HDHD5: variants seen among roughly 807,000 people sequenced by gnomAD.
HDHD5 encodes haloacid dehalogenase like hydrolase domain containing 5, also known as haloacid dehalogenase-like hydrolase domain-containing 5.
In HDHD5, 34 loss-of-function variants were observed where a neutral mutation model predicts 35.5. The ratio of observed to expected loss-of-function variants is 0.96; its 90% CI spans 0.73 to 1.28. The LOEUF (loss-of-function observed/expected upper bound fraction) is 1.28. Among genes scored for constraint, HDHD5 ranks in the 50% most tolerant of loss-of-function variants. The pLI is 0.00. For synonymous variants in HDHD5, 248 were observed against 240.6 expected (o/e 1.03, Z -0.29); for missense variants, 589 against 560.2 (o/e 1.05, Z -0.52).
rs186380591 is a variant in HDHD5 at position 17,141,199 on chromosome 22, C to A, written c.606G>T (p.Glu202Asp). ...VLLLGEPVRW[E>D]TSLQLIMDVL... Reference sequence around the variant, plus strand: ...CATCCATGATCAGCTGCAGGCTGGTCTCCCAGCGGACCGGCTCCCCTAGGA... The same window carrying A: ...CATCCATGATCAGCTGCAGGCTGGTATCCCAGCGGACCGGCTCCCCTAGGA... The change falls in exon 6 of 8, where the codon GAG becomes GAT. Residue 202 changes from glutamate (E) to aspartate (D), a missense_variant. By Grantham distance (45) the Glu-to-Asp change is conservative. Transcript: ENST00000336737. The A allele has an allele frequency of 3.1e-6, 5 of 1,597,888 alleles. No individual in the cohort carries two copies. The East Asian group carries it at 9.4e-5, about 30-fold the overall frequency.
intron 1 of HDHD5, among the ~76,000 whole-genome samples, chr22:17,153,286 T>G (rs932013504): frequency 5.3e-5 from 8 of 152,216 alleles, no homozygotes; most frequent in Non-Finnish European, 1.0e-4. Flanking sequence ...ATTACCTGAC[T>G]GGACAAATAA....
At chr22:17,152,251 A>C (rs1382427891) in intron 1 of HDHD5, among the ~76,000 whole-genome samples, 1 of 150,906 alleles carries the variant, frequency 6.6e-6, no homozygotes, top group East Asian at 2.0e-4. Flanking sequence ...TTGGCTGCAG[A>C]GAAAAGACTG....
chr22:17,144,152 G>C (rs1017332474), intron 4 of HDHD5, among the ~76,000 whole-genome samples: 10 of 152,362 alleles, frequency 6.6e-5, no homozygotes, highest in Admixed American at 3.3e-4. Context: ...AGTAAGTCTG[G>C]AACTCCTTGT....
upstream of HDHD5, among the ~76,000 whole-genome samples, chr22:17,163,640 A>T (rs1317169108): frequency 6.6e-6 from 1 of 152,034 alleles, no homozygotes; most frequent in Non-Finnish European, 1.5e-5. Context: ...TGCTCATCTC[A>T]AGTGAGCCAC....
intron 5 of HDHD5, 155 bp downstream of exon 5, chr22:17,142,940 AGGT>A: frequency 1.5e-6 from 1 of 667,622 alleles, no homozygotes; most frequent in Non-Finnish European, 2.6e-6. Context: ...ACAGTCTCAG[AGGT>A]GGTAAGTGGC....
rs2061803847 is a variant in HDHD5 at position 17,157,085 on chromosome 22, T to TACACACATACACACACACACACACAC, written c.126+2040_126+2041insGTGTGTGTGTGTGTGTGTATGTGTGT. Among the ~76,000 whole-genome samples, 24 of 143,794 alleles carry TACACACATACACACACACACACACAC rather than the reference T, an allele frequency of 1.7e-4. No homozygotes were observed. The East Asian group carries it at 5.0e-3, about 30-fold the overall frequency. The allele number at this position is 143,794 out of a possible 152,430, so 94.3% of individuals were successfully genotyped here. A position where few individuals can be genotyped will look rare whatever the true frequency, so the allele number is the denominator to read the frequency against. On this transcript the variant is annotated intron_variant, in intron 1 of 7. Coordinates refer to ENST00000336737, the MANE Select transcript of HDHD5 (RefSeq NM_033070.3). ...AGAGCTAGACACCGTCTCACACACATACACACACACACACACACACACACA... is the reference window on the plus strand; with the variant it reads ...AGAGCTAGACACCGTCTCACACACATACACACATACACACACACACACACACACACACACACACACACACACACACA...
At chr22:17,140,587 C>CA (rs1268384814) in intron 6 of HDHD5, among the ~76,000 whole-genome samples, 8 of 150,332 alleles carry the variant, frequency 5.3e-5, no homozygotes, top group South Asian at 2.2e-4. Flanking sequence ...ACTGTCCCCG[C>CA]AAAAAAAACA....
Position 17,138,225 on chromosome 22 carries a change from G to A in HDHD5, c.1068C>T (p.Cys356=). ...RQQQPSASQS[C]ISILVCTGVY... ...CGCCTGTACACACCAGGATGGAGAT[G>A]CAGCTCTGGCTTGCTGAGGGCTGTT... The change falls in exon 8 of 8, where the codon TGC becomes TGT. Residue 356 remains cysteine, a synonymous_variant. Transcript: ENST00000336737. The A allele has an allele frequency of 1.2e-6, 2 of 1,614,202 alleles. No homozygotes were observed. Among genetic ancestry groups the A allele is most frequent in the Non-Finnish European group, 1.7e-6 (2 of 1,180,042 alleles).
At chr22:17,164,819 G>A (rs2061882029) in intron 1 of HDHD5, among the ~76,000 whole-genome samples, 3 of 152,152 alleles carry the variant, frequency 2.0e-5, no homozygotes, top group African/African-American at 7.2e-5. Flanking sequence ...GAGGGAAACT[G>A]GCATATCCTA....
In HDHD5 at chr22:17,149,686, T is replaced by G; in HGVS notation, c.186A>C (p.Arg62Ser). 1 of 1,614,034 alleles carries G rather than the reference T, an allele frequency of 6.2e-7. No individual in the cohort carries two copies. Among genetic ancestry groups the G allele is most frequent in the Middle Eastern group, 1.7e-4 (1 of 5,952 alleles). Residue 62 changes from arginine (R) to serine (S), a missense_variant, in exon 2 of 8, where the codon AGA becomes AGC. Transcript: ENST00000336737. ...DIDGVLVRGH[R>S]VIPAALKAFR... ...AGGCTTTCAGAGCAGCAGGGATCAC[T>G]CTGTGGCCCCGCACAAGCACTCCAT...
At chr22:17,159,888 T>G, upstream of HDHD5, 1 of 215,664 alleles carries the variant, frequency 4.6e-6, no homozygotes, top group Non-Finnish European at 9.5e-6. Flanking sequence ...CAGCAAACAC[T>G]TAGGGAACAC....
At chr22:17,145,436 G>A (rs895442435) in intron 3 of HDHD5, among the ~76,000 whole-genome samples, 5 of 152,202 alleles carry the variant, frequency 3.3e-5, no homozygotes, top group Admixed American at 3.3e-4. Flanking sequence ...GGGTGCAGTG[G>A]CTCATGCCTG....
intron 6 of HDHD5, 121 bp from the exon 7 acceptor site, chr22:17,138,859 G>GACAT: frequency 9.5e-7 from 1 of 1,055,842 alleles, no homozygotes; most frequent in Non-Finnish European, 1.4e-6. Flanking sequence ...GGTAAGAGCT[G>GACAT]ACATGTAGCA....
intron 4 of HDHD5, among the ~76,000 whole-genome samples, chr22:17,144,555 A>AG (rs929286837): frequency 6.6e-6 from 1 of 151,734 alleles, no homozygotes; most frequent in African/African-American, 2.4e-5. Flanking sequence ...CTGGGATTAT[A>AG]GGCATCCATC....
At chr22:17,141,545 C>T in intron 5 of HDHD5, 3 of 1,178,030 alleles carry the variant, frequency 2.5e-6, no homozygotes, top group Non-Finnish European at 3.2e-6. Context: ...TGGGACTCTG[C>T]CACCACATTC....
At position 17,148,447 on chromosome 22, in the gene HDHD5, C is replaced by T; in HGVS notation, c.443+1G>A. ...AGCCAGAGTTAAGACCAAAAGGATA[C>T]CCCTGGGCATTTTCCATCACGGGCC... On this transcript the variant is annotated splice_donor_variant, in intron 3 of 7. Transcript: ENST00000336737. LOFTEE classifies it high-confidence loss of function. 1 of 1,612,612 alleles carries T rather than the reference C, an allele frequency of 6.2e-7. No individual in the cohort carries two copies. The highest frequency in any genetic ancestry group is 1.3e-5 in the African/African-American group (1 of 75,020).
At chr22:17,162,661 T>C (rs1297490980), upstream of HDHD5, among the ~76,000 whole-genome samples, 1 of 152,240 alleles carries the variant, frequency 6.6e-6, no homozygotes, top group Non-Finnish European at 1.5e-5. Flanking sequence ...GTGTACGTGA[T>C]AAGTCTTTAT....
upstream of HDHD5, among the ~76,000 whole-genome samples, chr22:17,161,925 C>T (rs1338610897): frequency 6.6e-6 from 1 of 151,974 alleles, no homozygotes; most frequent in African/African-American, 2.4e-5. Context: ...AATTCCCCTC[C>T]CATTGAGTGT....
rs1318429224 is a variant in HDHD5 at position 17,142,959 on chromosome 22, C to T, written c.571+139G>A. 4 of 807,198 alleles carry T rather than the reference C, an allele frequency of 5.0e-6. No individual in the cohort carries two copies. The East Asian group carries it at 8.4e-5, about 17-fold the overall frequency. 50.0% of individuals were successfully genotyped at this position (807,198 alleles called of 1,614,324 possible). A position where few individuals can be genotyped will look rare whatever the true frequency, so the allele number is the denominator to read the frequency against. The stretch of plus-strand genomic sequence containing the variant: ...TCTCAGAGGTGGTAAGTGGCAGATC[C>T]AGACCAGAGCCCAGGTGTCCTGACT... On this transcript the variant is annotated intron_variant, in intron 5 of 7. Transcript: ENST00000336737.
Sources: allele counts gnomAD v4.1 joint callset (sites outside exome capture counted in the v4.1 genomes callset), GRCh38; gene constraint gnomAD v4.1.1; transcripts MANE v1.5; gene names NCBI Gene and HGNC (gene_info 2026-07-23, HGNC 2026-07-21).